Variants in NETO1 observed in about 807,000 individuals in gnomAD.
The protein encoded by NETO1 is neuropilin and tolloid-like protein 1.
NETO1 carries 26 observed loss-of-function variants against 61.3 expected under a neutral mutation model. The observed-to-expected ratio is 0.42, with a 90% CI of 0.31 to 0.59. NETO1 has a LOEUF of 0.59. Ranked by LOEUF, NETO1 falls within the 20% of genes least tolerant of loss-of-function variation. NETO1 has a pLI of 0.12. For missense variants in NETO1, 531 were observed against 662.8 expected (o/e 0.80, Z 2.18); for synonymous variants, 225 against 225.8 (o/e 1.00, Z 0.03).
At chr18:72,780,945 CT>C (rs941284149) in intron 7 of NETO1, among the ~76,000 whole-genome samples, 4 of 152,006 alleles carry the variant, frequency 2.6e-5, no homozygotes, top group Non-Finnish European at 5.9e-5. Flanking sequence ...AAACTAAAAT[CT>C]TTTTTTGCAT....
intron 4 of NETO1, among the ~76,000 whole-genome samples, chr18:72,840,691 A>T (rs1287365894): frequency 6.6e-6 from 1 of 152,216 alleles, no homozygotes. Context: ...TCTTAGACTT[A>T]ACCAACCATT....
chr18:72,865,731 A>G, intron 1 of NETO1: 1 of 1,503,744 alleles, frequency 6.7e-7, no homozygotes, highest in Non-Finnish European at 8.9e-7. Flanking sequence ...GACAAATCCT[A>G]CAGACTGTGG....
At chr18:72,854,363 T>A (rs2074351300) in intron 4 of NETO1, among the ~76,000 whole-genome samples, 1 of 152,268 alleles carries the variant, frequency 6.6e-6, no homozygotes. Flanking sequence ...TGTGTGTAAC[T>A]TTGTTCCTTA....
At chr18:72,770,416 T>C (rs1343667718) in intron 7 of NETO1, among the ~76,000 whole-genome samples, 1 of 152,112 alleles carries the variant, frequency 6.6e-6, no homozygotes, top group Non-Finnish European at 1.5e-5. Context: ...GGTGATTTTT[T>C]TCTTATCAAT....
intron 7 of NETO1, among the ~76,000 whole-genome samples, chr18:72,774,412 A>G (rs565669703): frequency 2.6e-5 from 4 of 152,300 alleles, no homozygotes; most frequent in East Asian, 1.9e-4. Context: ...TGAATTATCT[A>G]TGTGTATTCA....
intron 7 of NETO1, among the ~76,000 whole-genome samples, chr18:72,783,394 A>G (rs1176604261): frequency 6.6e-6 from 1 of 152,236 alleles, no homozygotes; most frequent in Non-Finnish European, 1.5e-5. Flanking sequence ...GCTTCCTAAG[A>G]GCTAAATTGA....
intron 4 of NETO1, among the ~76,000 whole-genome samples, chr18:72,807,301 T>G (rs1429096205): frequency 2.0e-5 from 3 of 152,188 alleles, no homozygotes; most frequent in African/African-American, 7.2e-5. Context: ...ACATAAATTT[T>G]ATTCATATAT....
intron 4 of NETO1, among the ~76,000 whole-genome samples, chr18:72,837,818 C>T (rs577065146): frequency 1.3e-5 from 2 of 152,248 alleles, no homozygotes; most frequent in South Asian, 4.1e-4. Context: ...CAACAAAAAC[C>T]TTTTAGGACT....
chr18:72,756,907 A>G (rs2070803288), intron 7 of NETO1, among the ~76,000 whole-genome samples: 1 of 152,138 alleles, frequency 6.6e-6, no homozygotes, highest in South Asian at 2.1e-4. Context: ...AAAATGTTAG[A>G]TATGATTTCA....
chr18:72,758,530 T>C (rs2070863550), intron 7 of NETO1, among the ~76,000 whole-genome samples: 1 of 152,010 alleles, frequency 6.6e-6, no homozygotes, highest in African/African-American at 2.4e-5. Context: ...AAGCAAATCC[T>C]GATATGGTTA....
chr18:72,748,943 A>C, intron 10 of NETO1, 71 bp downstream of exon 10: 1 of 949,476 alleles, frequency 1.1e-6, no homozygotes, highest in South Asian at 1.3e-5. Flanking sequence ...CATTCCCTAA[A>C]AAACTACAAG....
intron 4 of NETO1, among the ~76,000 whole-genome samples, chr18:72,852,366 C>T (rs187677254): frequency 7.6e-4 from 115 of 152,250 alleles, no homozygotes; most frequent in South Asian, 3.1e-3. Context: ...AGGCACATGC[C>T]ACCACGACCG....
chr18:72,760,287 A>G (rs2070928140), intron 7 of NETO1, among the ~76,000 whole-genome samples: 1 of 152,212 alleles, frequency 6.6e-6, no homozygotes. Context: ...ACACTTCAAA[A>G]TGAACCTTTC....
At chr18:72,802,739 G>A (rs1459447185) in intron 4 of NETO1, among the ~76,000 whole-genome samples, 1 of 152,168 alleles carries the variant, frequency 6.6e-6, no homozygotes. Flanking sequence ...CAGGACTGTG[G>A]CACCAAACCT....
intron 7 of NETO1, 71 bp downstream of exon 7, chr18:72,783,607 A>G (rs750920465): frequency 4.6e-5 from 61 of 1,316,888 alleles, no homozygotes; most frequent in Non-Finnish European, 6.4e-5. Context: ...AGAAAACACC[A>G]TTAACAGCTT....
intron 4 of NETO1, among the ~76,000 whole-genome samples, chr18:72,797,647 T>C (rs1203348350): frequency 1.3e-5 from 2 of 152,198 alleles, no homozygotes; most frequent in African/African-American, 4.8e-5. Flanking sequence ...CTATTACACA[T>C]GTAAATCGAA....
rs2072244241 is a variant in NETO1, at chr18:72,794,467, GTTAT to G, written c.470-67_470-64del. On this transcript the variant is annotated intron_variant, in intron 4 of 10. Coordinates refer to ENST00000327305, the MANE Select transcript of NETO1 (RefSeq NM_138966.5). ...CATTTATTACTTACAGTGAGTTTAAGTTATTTATCATTAAGTTTTCCAGAAATCT... is the reference window on the plus strand; with the variant it reads ...CATTTATTACTTACAGTGAGTTTAAGTTATCATTAAGTTTTCCAGAAATCT... The G allele has an allele frequency of 7.4e-6, 11 of 1,488,064 alleles. No individual in the cohort carries two copies. The South Asian group carries it at 1.4e-4, about 18-fold the overall frequency. 92.2% of individuals were successfully genotyped at this position (1,488,064 alleles called of 1,614,324 possible). A position where few individuals can be genotyped will look rare whatever the true frequency, so the allele number is the denominator to read the frequency against.
chr18:72,798,718 C>T (rs1017027799), intron 4 of NETO1, among the ~76,000 whole-genome samples: 31 of 152,138 alleles, frequency 2.0e-4, no homozygotes, highest in African/African-American at 5.6e-4. Context: ...CAAATGTCAT[C>T]GGAGAGCTTC....
chr18:72,817,067 A>G (rs2073053773), intron 4 of NETO1, among the ~76,000 whole-genome samples: 1 of 152,166 alleles, frequency 6.6e-6, no homozygotes, highest in Non-Finnish European at 1.5e-5. Flanking sequence ...CTCCCTTTAT[A>G]GGGATGACAG....
Sources: gnomAD v4.1 joint callset for allele counts (sites outside exome capture counted in the v4.1 genomes callset) on GRCh38, gnomAD v4.1.1 for gene constraint, MANE v1.5 for transcripts, NCBI Gene and HGNC (gene_info 2026-07-23, HGNC 2026-07-21) for gene names.